Variants in GNAL observed in about 807,000 individuals in gnomAD.
GNAL encodes the protein G protein subunit alpha L.
In GNAL, 18 loss-of-function variants were observed where a neutral mutation model predicts 55.1. The observed-to-expected ratio is 0.33, with a 90% CI of 0.23 to 0.48. The LOEUF (loss-of-function observed/expected upper bound fraction) is 0.48. GNAL is among the 20% of genes least tolerant of loss of function. The pLI is 0.99. For synonymous variants in GNAL, 253 were observed against 237.0 expected, an observed-to-expected ratio of 1.07 and a Z score of -0.62; for missense variants, 412 against 614.1, an observed-to-expected ratio of 0.67 and a Z score of 3.48.
At chr18:11,710,573 G>A (rs1156964816) in intron 1 of GNAL, among the ~76,000 whole-genome samples, 1 of 150,020 alleles carries the variant, frequency 6.7e-6, no homozygotes, top group Non-Finnish European at 1.5e-5. Flanking sequence ...AGCATTTCTT[G>A]TATGTCATAT....
intron 4 of GNAL, among the ~76,000 whole-genome samples, chr18:11,808,103 T>C (rs73946349): frequency 6.6e-6 from 1 of 151,790 alleles, no homozygotes; most frequent in Admixed American, 6.6e-5. Flanking sequence ...AGGACCATGA[T>C]AAATATTTGC....
chr18:11,818,518 T>C (rs1367051278), intron 4 of GNAL, among the ~76,000 whole-genome samples: 1 of 152,230 alleles, frequency 6.6e-6, no homozygotes, highest in African/African-American at 2.4e-5. Flanking sequence ...ATTAAACAAC[T>C]TAAACGACTG....
At chr18:11,863,530 TC>T (rs2036194392) in intron 6 of GNAL, among the ~76,000 whole-genome samples, 1 of 152,164 alleles carries the variant, frequency 6.6e-6, no homozygotes, top group African/African-American at 2.4e-5. Flanking sequence ...AGTCAGTCCC[TC>T]AACTAACTTA....
chr18:11,711,774 C>G (rs1268822272), intron 1 of GNAL, among the ~76,000 whole-genome samples: 1 of 152,100 alleles, frequency 6.6e-6, no homozygotes, highest in African/African-American at 2.4e-5. Flanking sequence ...TCCCATTTCC[C>G]TCTTTCTTCA....
At chr18:11,715,306 A>C (rs2031933348) in intron 1 of GNAL, among the ~76,000 whole-genome samples, 1 of 151,608 alleles carries the variant, frequency 6.6e-6, no homozygotes, top group Non-Finnish European at 1.5e-5. Context: ...AAAAAAATAC[A>C]AAAAATTAGC....
chr18:11,885,193 AC>A lies in GNAL; in HGVS notation c.*4060del. On this transcript the variant is annotated 3_prime_UTR_variant, in exon 12 of 12. Transcript: ENST00000334049. ...TTTATGAAGTAAAAGAACCTGTCGT[AC>A]CAGCATCATGAGCTGGATGCAGGAG... is the stretch of plus-strand genomic sequence containing the variant. The A allele has an allele frequency of 2.0e-6, 1 of 503,590 alleles. No individual in the cohort carries two copies. Among genetic ancestry groups the A allele is most frequent in the Non-Finnish European group, 3.0e-6 (1 of 336,066 alleles). 31.2% of individuals were successfully genotyped at this position (503,590 alleles called of 1,614,324 possible). A position where few individuals can be genotyped will look rare whatever the true frequency, so the allele number is the denominator to read the frequency against.
intron 4 of GNAL, among the ~76,000 whole-genome samples, chr18:11,800,348 G>A (rs771948933): frequency 1.3e-5 from 2 of 152,166 alleles, no homozygotes; most frequent in Non-Finnish European, 2.9e-5. Flanking sequence ...AGGGTCTTGT[G>A]GGGGTAACAT....
At chr18:11,706,384 C>T (rs1278555939) in intron 1 of GNAL, among the ~76,000 whole-genome samples, 2 of 152,106 alleles carry the variant, frequency 1.3e-5, no homozygotes, top group Non-Finnish European at 2.9e-5. Flanking sequence ...TCATCTGAGC[C>T]TTCAGTGAGT....
chr18:11,694,118 G>T (rs2031338278), intron 1 of GNAL, among the ~76,000 whole-genome samples: 1 of 152,110 alleles, frequency 6.6e-6, no homozygotes, highest in African/African-American at 2.4e-5. Context: ...CCACAGTGCT[G>T]GGATTACAGG....
intron 1 of GNAL, among the ~76,000 whole-genome samples, chr18:11,699,250 A>G (rs2031498066): frequency 6.6e-6 from 1 of 152,070 alleles, no homozygotes; most frequent in Admixed American, 6.5e-5. Flanking sequence ...AGGCTGGAGC[A>G]GTAGTACCAT....
intron 11 of GNAL, 23 bp downstream of exon 11, chr18:11,876,711 G>A (rs545947521): frequency 3.7e-6 from 5 of 1,333,744 alleles, no homozygotes; most frequent in Non-Finnish European, 5.4e-6. Context: ...GTTAACCTTT[G>A]TTTTTCTACC....
chr18:11,696,746 T>C (rs1409924414), intron 1 of GNAL, among the ~76,000 whole-genome samples: 1 of 152,190 alleles, frequency 6.6e-6, no homozygotes, highest in African/African-American at 2.4e-5. Flanking sequence ...TCAAAAATGC[T>C]CTCTTGGACT....
Position 11,883,221 on chromosome 18 carries a change from GCCTC to G in GNAL, c.*2089_*2092del, listed in dbSNP as rs762199864. 104 of 120,140 alleles carry G rather than the reference GCCTC, an allele frequency of 8.7e-4. No homozygotes were observed. The highest frequency in any genetic ancestry group is 2.6e-3 in the Admixed American group (35 of 13,232). 7.4% of individuals were successfully genotyped at this position (120,140 alleles called of 1,614,324 possible). On this transcript the variant is annotated 3_prime_UTR_variant, in exon 12 of 12. Coordinates refer to ENST00000334049, the MANE Select transcript of GNAL (RefSeq NM_182978.4). ...CATTTTATCTCATCACCGTCTTACTGCCTCCCCATCCACTGTCTCATAAAGCCCT... is the reference window on the plus strand; with the variant it reads ...CATTTTATCTCATCACCGTCTTACTGCCCATCCACTGTCTCATAAAGCCCT...
At chr18:11,849,501 C>CAAAAA (rs71172025) in intron 5 of GNAL, among the ~76,000 whole-genome samples, 7 of 130,458 alleles carry the variant, frequency 5.4e-5, no homozygotes, top group African/African-American at 2.3e-4. Context: ...GATTTCATCT[C>CAAAAA]AAAAAAAAAA....
At chr18:11,703,262 C>T (rs574582049) in intron 1 of GNAL, among the ~76,000 whole-genome samples, 3 of 152,354 alleles carry the variant, frequency 2.0e-5, no homozygotes, top group African/African-American at 7.2e-5. Flanking sequence ...ACAGAACGCT[C>T]CGCACGTTGT....
rs780862136 is a variant in GNAL, at chr18:11,752,831, C to A, written c.377-22C>A. On this transcript the variant is annotated intron_variant, in intron 1 of 11. Coordinates refer to ENST00000334049, the MANE Select transcript of GNAL (RefSeq NM_182978.4). This position sits in a 1 kb window ranked among gnomAD's most constrained non-coding sequence, Gnocchi z 4.5. ...AGCGATATCCGGACACAGATCACAG[C>A]GTTCTTTCTGTTTGTTTGCAGGGGC... The A allele has an allele frequency of 1.1e-5, 17 of 1,550,378 alleles. No homozygotes were observed. Among genetic ancestry groups the A allele is most frequent in the Non-Finnish European group, 1.4e-5 (16 of 1,122,186 alleles).
intron 1 of GNAL, among the ~76,000 whole-genome samples, chr18:11,710,836 T>C (rs953540773): frequency 6.6e-6 from 1 of 152,170 alleles, no homozygotes; most frequent in South Asian, 2.1e-4. Flanking sequence ...TCTTTGACTT[T>C]TGACAATTTG....
chr18:11,756,543 T>C lies in GNAL; in HGVS notation c.624+2598T>C, dbSNP rs144659173. Among the ~76,000 whole-genome samples, 1,469 of 151,590 alleles carry C rather than the reference T, an allele frequency of 9.7e-3. 28 individuals are homozygous for C. Among genetic ancestry groups the C allele is most frequent in the African/African-American group, 0.034 (1,398 of 41,464 alleles). ...ATATATATATTTATGTATATTTATA[T>C]ATTTTTAACATAGCCCCGACTTATG... On this transcript the variant is annotated intron_variant, in intron 4 of 11. Transcript: ENST00000334049.
chr18:11,877,016 C>T (rs1373240589), intron 11 of GNAL, among the ~76,000 whole-genome samples: 1 of 152,212 alleles, frequency 6.6e-6, no homozygotes, highest in Non-Finnish European at 1.5e-5. Context: ...AGCACCCATA[C>T]TCTTCCTCCA....
Sources: gnomAD v4.1 joint callset for allele counts (sites outside exome capture counted in the v4.1 genomes callset) on GRCh38, gnomAD v4.1.1 for gene constraint, Gnocchi (gnomAD v3.1) non-coding constraint, MANE v1.5 for transcripts, NCBI Gene and HGNC (gene_info 2026-07-23, HGNC 2026-07-21) for gene names.